The following MAP3K1 variants were observed in gnomAD, a reference collection of about 807,000 sequenced individuals.
MAP3K1 encodes mitogen-activated protein kinase kinase kinase 1.
MAP3K1 carries 36 observed loss-of-function variants against 144.2 expected under a neutral mutation model. The observed-to-expected ratio is 0.25, with a 90% CI of 0.19 to 0.33. The LOEUF is 0.33. Ranked by LOEUF, MAP3K1 falls within the 10% of genes least tolerant of loss-of-function variation. The pLI is 1.00. For missense variants in MAP3K1, 1,650 were observed against 1,881.9 expected (o/e 0.88, Z 2.28); for synonymous variants, 718 against 688.7 (o/e 1.04, Z -0.67).
chr5:56,868,974 A>C (rs1321028323), intron 6 of MAP3K1, among the ~76,000 whole-genome samples: 1 of 152,156 alleles, frequency 6.6e-6, no homozygotes, highest in Admixed American at 6.5e-5. Context: ...ATATTGTATA[A>C]TTGCACTTAC....
rs1485941051 is a variant in MAP3K1 at position 56,837,381 on chromosome 5, T to C, written c.483-19219T>C. On this transcript the variant is annotated intron_variant, in intron 1 of 19. Transcript: ENST00000399503. ...GACTCATGGTTCTTAGCTTCTTTAC[T>C]GACCATCTCTTAGTCTTTTCCTGGG... Among the ~76,000 whole-genome samples the C allele has an allele frequency of 4.6e-5, 7 of 152,184 alleles. 1 individual carries two copies. The highest frequency in any genetic ancestry group is 3.9e-4 in the Admixed American group (6 of 15,282).
chr5:56,836,137 G>A (rs954698021), intron 1 of MAP3K1, among the ~76,000 whole-genome samples: 1 of 152,160 alleles, frequency 6.6e-6, no homozygotes, highest in Non-Finnish European at 1.5e-5. Flanking sequence ...TTGTGGACTC[G>A]ACTGAGGTTG....
chr5:56,815,802 C>G lies in MAP3K1; in HGVS notation c.229C>G (p.Pro77Ala), dbSNP rs1348132934. The G allele has an allele frequency of 7.0e-7, 1 of 1,423,808 alleles. No homozygotes were observed. Among genetic ancestry groups the G allele is most frequent in the Non-Finnish European group, 9.2e-7 (1 of 1,085,872 alleles). 88.2% of individuals were successfully genotyped at this position (1,423,808 alleles called of 1,614,324 possible). A position where few individuals can be genotyped will look rare whatever the true frequency, so the allele number is the denominator to read the frequency against. ...SVELDQLPEQ[P>A]LFLAASPPAS... ...GGAGCTGGACCAGCTGCCTGAGCAG[C>G]CGCTCTTCCTTGCCGCCTCACCGCC... is the stretch of plus-strand genomic sequence containing the variant. Residue 77 changes from proline (P) to alanine (A), a missense_variant, in exon 1 of 20, where the codon CCG (proline) becomes GCG (alanine). Around this residue, in one of 6 missense-constraint regions of MAP3K1, gnomAD observed 360 missense variants for 274.7 expected, o/e 1.31. Coordinates refer to ENST00000399503, the MANE Select transcript of MAP3K1 (RefSeq NM_005921.2).
intron 2 of MAP3K1, among the ~76,000 whole-genome samples, chr5:56,859,065 T>TAAAAA (rs34494768): frequency 2.4e-5 from 3 of 125,580 alleles, no homozygotes; most frequent in Non-Finnish European, 5.0e-5. Context: ...AAGCCTTAAT[T>TAAAAA]AAAAAAAAAA....
intron 1 of MAP3K1, among the ~76,000 whole-genome samples, chr5:56,851,771 A>T (rs1447791276): frequency 1.3e-5 from 2 of 152,200 alleles, no homozygotes; most frequent in East Asian, 1.9e-4. Flanking sequence ...GGAAGCTGGG[A>T]TGGATTCAGA....
intron 19 of MAP3K1, among the ~76,000 whole-genome samples, chr5:56,891,272 G>T (rs139594362): frequency 6.6e-6 from 1 of 151,858 alleles, no homozygotes; most frequent in African/African-American, 2.4e-5. Flanking sequence ...GTATATATCA[G>T]CTGAGTATAT....
chr5:56,870,806 C>T (rs1399275887), intron 6 of MAP3K1, among the ~76,000 whole-genome samples: 11 of 152,222 alleles, frequency 7.2e-5, no homozygotes, highest in Admixed American at 6.5e-4. Context: ...TACATCTCCA[C>T]TTTTTGGTTT....
chr5:56,865,264 T>G (rs1236710885), intron 4 of MAP3K1, 76 bp from the exon 5 acceptor site: 1 of 888,968 alleles, frequency 1.1e-6, no homozygotes, highest in Non-Finnish European at 1.9e-6. Context: ...TTGGAAATAT[T>G]GTAAAAGTGA....
At chr5:56,877,520 A>T (rs1304744317) in intron 10 of MAP3K1, among the ~76,000 whole-genome samples, 1 of 136,416 alleles carries the variant, frequency 7.3e-6, no homozygotes, top group African/African-American at 2.7e-5. Flanking sequence ...TGCATATATA[A>T]TTTTTTTTTT....
At chr5:56,869,395 G>A (rs992387803) in intron 6 of MAP3K1, among the ~76,000 whole-genome samples, 1 of 152,134 alleles carries the variant, frequency 6.6e-6, no homozygotes, top group East Asian at 1.9e-4. Context: ...AGTGGTGATG[G>A]TTGCACAGCG....
At chr5:56,836,819 G>A (rs1331201494) in intron 1 of MAP3K1, among the ~76,000 whole-genome samples, 1 of 152,130 alleles carries the variant, frequency 6.6e-6, no homozygotes, top group Non-Finnish European at 1.5e-5. Flanking sequence ...TGTCATCCTA[G>A]TAATGCTTAC....
intron 1 of MAP3K1, among the ~76,000 whole-genome samples, chr5:56,846,774 G>A (rs33326): frequency 0.77 from 117,692 of 152,128 alleles, 45,870 homozygotes; most frequent in Non-Finnish European, 0.82. Flanking sequence ...GATTGTTTCC[G>A]TGGCTTAACA....
chr5:56,845,152 A>G (rs1422289642), intron 1 of MAP3K1, among the ~76,000 whole-genome samples: 1 of 152,228 alleles, frequency 6.6e-6, no homozygotes, highest in Non-Finnish European at 1.5e-5. Context: ...CAGAAGCTTT[A>G]AATTTTGTTA....
At chr5:56,861,568 T>TAAAA (rs869216404) in intron 3 of MAP3K1, among the ~76,000 whole-genome samples, 1 of 114,194 alleles carries the variant, frequency 8.8e-6, no homozygotes, top group Admixed American at 9.7e-5. Context: ...GTGAGACTCC[T>TAAAA]AAAAAAAAAA....
At chr5:56,819,561 C>T (rs1467940821) in intron 1 of MAP3K1, among the ~76,000 whole-genome samples, 1 of 152,086 alleles carries the variant, frequency 6.6e-6, no homozygotes, top group Non-Finnish European at 1.5e-5. Context: ...AATGGATTAC[C>T]ATGAGGAAAA....
At chr5:56,819,680 A>G (rs1746095947) in intron 1 of MAP3K1, among the ~76,000 whole-genome samples, 1 of 152,192 alleles carries the variant, frequency 6.6e-6, no homozygotes, top group African/African-American at 2.4e-5. Context: ...GGCGATGGGA[A>G]AATGTGTCAT....
At chr5:56,820,755 T>C (rs1746130052) in intron 1 of MAP3K1, 1 of 985,340 alleles carries the variant, frequency 1.0e-6, no homozygotes, top group African/African-American at 1.7e-5. Context: ...TATGAACTTC[T>C]GCAAGGTGGT....
chr5:56,847,529 G>T (rs1747036091), intron 1 of MAP3K1, among the ~76,000 whole-genome samples: 1 of 152,188 alleles, frequency 6.6e-6, no homozygotes, highest in African/African-American at 2.4e-5. Context: ...CTGGGAGGTG[G>T]AGGCTGCAGT....
At chr5:56,817,047 AG>A in intron 1 of MAP3K1, 1 of 985,178 alleles carries the variant, frequency 1.0e-6, no homozygotes, top group Non-Finnish European at 1.2e-6. Flanking sequence ...GCTGAATTCC[AG>A]GGGCCGCAGT....
Sources: allele counts gnomAD v4.1 joint callset (sites outside exome capture counted in the v4.1 genomes callset), GRCh38; gene constraint gnomAD v4.1.1; regional missense constraint gnomAD v4.1.1; transcripts MANE v1.5; gene names NCBI Gene and HGNC (gene_info 2026-07-23, HGNC 2026-07-21).